Variants in NRCAM observed in about 807,000 individuals in gnomAD.
NRCAM encodes the protein neuronal cell adhesion molecule, also known as NgCAM-related cell adhesion molecule.
Under a neutral mutation model 156.5 loss-of-function variants are expected in NRCAM, and 83 were observed. The observed-to-expected ratio is 0.53, with a 90% CI of 0.44 to 0.64. The LOEUF is 0.64. Ranked by LOEUF, NRCAM falls within the 30% of genes least tolerant of loss-of-function variation. The pLI is 0.00. For synonymous variants in NRCAM, 538 were observed against 563.9 expected (o/e 0.95, Z 0.65); for missense variants, 1,417 against 1,597.3 (o/e 0.89, Z 1.92).
At chr7:108,245,757 G>C (rs1281817843) in intron 3 of NRCAM, among the ~76,000 whole-genome samples, 1 of 152,074 alleles carries the variant, frequency 6.6e-6, no homozygotes, top group Non-Finnish European at 1.5e-5. Context: ...AAAGCTTTTG[G>C]GACACTGACA....
intron 30 of NRCAM, among the ~76,000 whole-genome samples, chr7:108,166,525 G>A (rs2054409557): frequency 6.6e-6 from 1 of 152,124 alleles, no homozygotes; most frequent in South Asian, 2.1e-4. Context: ...TAGGATTACA[G>A]GCGTGAGCTA....
intron 1 of NRCAM, among the ~76,000 whole-genome samples, chr7:108,443,927 C>G (rs539341334): frequency 2.2e-4 from 33 of 149,748 alleles, no homozygotes; most frequent in Admixed American, 1.4e-3. Flanking sequence ...TACATACATA[C>G]ATAGATACAG....
intron 3 of NRCAM, among the ~76,000 whole-genome samples, chr7:108,268,641 G>T (rs1208710408): frequency 1.4e-5 from 2 of 145,912 alleles, no homozygotes; most frequent in Admixed American, 6.8e-5. Context: ...GGGGTTGGGG[G>T]GGGCGGCGGT....
chr7:108,225,680 A>G lies in NRCAM; in HGVS notation c.743T>C (p.Ile248Thr), dbSNP rs1226471617. Reference sequence around the variant, plus strand: ...CTCAGTGTCACTCAAATTAGCAGCTATAGTGTCATTCAATTCATCCACTGA... The same window carrying G: ...CTCAGTGTCACTCAAATTAGCAGCTGTAGTGTCATTCAATTCATCCACTGA... ...VISVDELNDT[I>T]AANLSDTEFY... is the part of the protein sequence containing the mutation. The change falls in exon 10 of 33, where the codon ATA becomes ACA. Residue 248 changes from isoleucine (I) to threonine (T), a missense_variant. Coordinates refer to ENST00000379028, the MANE Select transcript of NRCAM (RefSeq NM_001037132.4). 4 of 1,600,440 alleles carry G rather than the reference A, an allele frequency of 2.5e-6. No individual in the cohort carries two copies. The African/African-American group carries it at 5.4e-5, about 21-fold the overall frequency.
intron 8 of NRCAM, among the ~76,000 whole-genome samples, chr7:108,229,075 A>G (rs17388775): frequency 0.029 from 4,372 of 152,302 alleles, 104 homozygotes; most frequent in Admixed American, 0.048. Context: ...GGTCACTGAA[A>G]ATAGAACGTA....
At chr7:108,423,839 A>G (rs1597463916) in intron 1 of NRCAM, among the ~76,000 whole-genome samples, 1 of 152,230 alleles carries the variant, frequency 6.6e-6, no homozygotes, top group South Asian at 2.1e-4. Context: ...GGCTAGAAAC[A>G]CCTAGCTACA....
At chr7:108,256,438 G>C (rs2096665981) in intron 3 of NRCAM, among the ~76,000 whole-genome samples, 1 of 149,610 alleles carries the variant, frequency 6.7e-6, no homozygotes, top group South Asian at 2.2e-4. Flanking sequence ...TGCTCGTTAA[G>C]AGTCATCACC....
chr7:108,414,961 T>C (rs997054601), intron 1 of NRCAM, among the ~76,000 whole-genome samples: 1 of 152,056 alleles, frequency 6.6e-6, no homozygotes, highest in Non-Finnish European at 1.5e-5. Context: ...CCAGGGTTCA[T>C]AGCAGAGGGC....
intron 2 of NRCAM, among the ~76,000 whole-genome samples, chr7:108,382,098 C>G (rs1240166518): frequency 1.3e-5 from 2 of 152,132 alleles, no homozygotes; most frequent in Non-Finnish European, 2.9e-5. Flanking sequence ...AGGAAAGCAT[C>G]TGAGGCTGTG....
intron 3 of NRCAM, among the ~76,000 whole-genome samples, chr7:108,251,082 G>A (rs1399897264): frequency 6.6e-6 from 1 of 152,110 alleles, no homozygotes; most frequent in Admixed American, 6.5e-5. Context: ...AACCTAGAAT[G>A]ACTGCCTCTC....
intron 1 of NRCAM, among the ~76,000 whole-genome samples, chr7:108,433,131 C>A (rs1170874410): frequency 6.6e-6 from 1 of 152,144 alleles, no homozygotes; most frequent in East Asian, 1.9e-4. Flanking sequence ...CCATCCCAGT[C>A]CTGCTTCTGT....
At chr7:108,243,106 T>C (rs1479122272) in intron 3 of NRCAM, 1 of 152,160 alleles carries the variant, frequency 6.6e-6, no homozygotes, top group Non-Finnish European at 1.5e-5. Context: ...CTACGATAAC[T>C]GAAGATGGGG....
chr7:108,158,944 G>A (rs866903794), intron 32 of NRCAM, among the ~76,000 whole-genome samples: 6 of 152,140 alleles, frequency 3.9e-5, no homozygotes, highest in Admixed American at 6.6e-5. Context: ...TTGCCTAGAG[G>A]GCTACGACAT....
intron 8 of NRCAM, 97 bp downstream of exon 8, chr7:108,230,934 T>C (rs2094248314): frequency 1.0e-6 from 1 of 969,936 alleles, no homozygotes; most frequent in Admixed American, 2.8e-5. Context: ...TGAGCATCTC[T>C]AAAACATTTT....
chr7:108,210,614 G>C (rs2083663422), intron 11 of NRCAM, among the ~76,000 whole-genome samples: 2 of 152,174 alleles, frequency 1.3e-5, no homozygotes, highest in Admixed American at 1.3e-4. Flanking sequence ...CTTGGAGTTA[G>C]AAGATCTTTA....
Position 108,193,944 on chromosome 7 carries a change from T to C in NRCAM, c.1778+80A>G, listed in dbSNP as rs141345072. On this transcript the variant is annotated intron_variant, in intron 17 of 32. Transcript: ENST00000379028. ...TCAGAAACTAAAAACATCACCATAA[T>C]TGACTACATAGTAGACCTTTAGTTC... is the stretch of plus-strand genomic sequence containing the variant. The C allele has an allele frequency of 4.4e-4, 611 of 1,391,952 alleles. 10 individuals are homozygous for C. The East Asian group carries it at 0.014, about 31-fold the overall frequency. The allele number at this position is 1,391,952 out of a possible 1,614,324, so 86.2% of individuals were successfully genotyped here.
chr7:108,258,169 G>T (rs555043441), intron 3 of NRCAM, among the ~76,000 whole-genome samples: 1 of 152,316 alleles, frequency 6.6e-6, no homozygotes, highest in Non-Finnish European at 1.5e-5. Flanking sequence ...TCCTTCAGCA[G>T]TTAACACCCT....
At position 108,160,452 on chromosome 7, in the gene NRCAM, C is replaced by T. The variant is rs1299410308; in HGVS notation, c.3507G>A (p.Trp1169Ter). 1 of 1,613,592 alleles carries T rather than the reference C, an allele frequency of 6.2e-7. No individual in the cohort carries two copies. The highest frequency in any genetic ancestry group is 1.3e-5 in the African/African-American group (1 of 74,870). Reference protein sequence around the residue: ...SRQVDIATQGWFIGLMCAVAL... With the variant: ...SRQVDIATQG ...CAACAGCACACATCAGACCAATGAA[C>T]CAGCCCTGAGTTGCAATATCCACCT... Residue 1169 changes from tryptophan to a stop codon, truncating the protein, a stop_gained, in exon 31 of 33, where the codon TGG becomes TGA. Transcript: ENST00000379028. LOFTEE classifies it high-confidence loss of function.
intron 2 of NRCAM, among the ~76,000 whole-genome samples, chr7:108,391,553 T>G (rs1187268082): frequency 6.6e-6 from 1 of 152,104 alleles, no homozygotes; most frequent in African/African-American, 2.4e-5. Context: ...GTCTTTTAAT[T>G]GGAGCATTTA....
Sources: gnomAD v4.1 joint callset for allele counts (sites outside exome capture counted in the v4.1 genomes callset) on GRCh38, gnomAD v4.1.1 for gene constraint, MANE v1.5 for transcripts, NCBI Gene and HGNC (gene_info 2026-07-23, HGNC 2026-07-21) for gene names.